SLC9A2: variants seen among roughly 807,000 people sequenced by gnomAD.
SLC9A2 encodes solute carrier family 9 member A2.
Under a neutral mutation model 71.7 loss-of-function variants are expected in SLC9A2, and 42 were observed. The ratio of observed to expected loss-of-function variants is 0.59; its 90% confidence interval spans 0.46 to 0.76. The LOEUF is 0.76. Ranked by LOEUF, SLC9A2 falls within the 30% of genes least tolerant of loss-of-function variation. SLC9A2 has a pLI of 0.00. For missense variants in SLC9A2, 829 were observed against 1,017.4 expected (o/e 0.81, Z 2.52); for synonymous variants, 396 against 392.5 (o/e 1.01, Z -0.10).
chr2:102,657,830 G>A lies in SLC9A2; in HGVS notation c.556G>A (p.Val186Met). The A allele has an allele frequency of 6.2e-7, 1 of 1,614,210 alleles. No individual in the cohort carries two copies. Among genetic ancestry groups the A allele is most frequent in the Non-Finnish European group, 8.5e-7 (1 of 1,180,046 alleles). The change falls in exon 2 of 12, where the codon GTG becomes ATG. Residue 186 changes from valine to methionine, a missense_variant. This residue lies in a region of SLC9A2 where 500 missense variants were observed against 726.3 expected (regional missense o/e 0.69). Coordinates refer to ENST00000233969, the MANE Select transcript of SLC9A2 (RefSeq NM_003048.6). ...GTLWNSIGIG[V>M]SLFGICQIEA... ...ACTTTGGAATTCCATTGGCATTGGG[G>A]TGTCTTTGTTTGGTATCTGCCAGAT...
intron 1 of SLC9A2, among the ~76,000 whole-genome samples, chr2:102,637,396 C>T (rs1676486861): frequency 6.6e-6 from 1 of 152,298 alleles, no homozygotes; most frequent in East Asian, 1.9e-4. Flanking sequence ...TGGCCAGTGC[C>T]ATCGTTATTA....
chr2:102,624,988 A>G (rs951664885), intron 1 of SLC9A2, among the ~76,000 whole-genome samples: 1 of 152,160 alleles, frequency 6.6e-6, no homozygotes, highest in Admixed American at 6.5e-5. Context: ...TTCCTGAGGC[A>G]TATTCATCAA....
chr2:102,620,045 G>C lies in SLC9A2; in HGVS notation c.197G>C (p.Ser66Thr). ...VAPGTTLFEE[S>T]RLPVFTLDYP... is the part of the protein sequence containing the mutation. ...CCCGGAACGACGCTGTTCGAGGAGAGCCGGCTGCCTGTGTTTACGCTGGAT... is the reference window on the plus strand; with the variant it reads ...CCCGGAACGACGCTGTTCGAGGAGACCCGGCTGCCTGTGTTTACGCTGGAT... The change falls in exon 1 of 12, where the codon AGC becomes ACC. Residue 66 changes from serine to threonine, a missense_variant. By Grantham distance (58) the Ser-to-Thr change is moderately conservative. This residue lies in a region of SLC9A2 where 106 missense variants were observed against 93.5 expected (regional missense o/e 1.13). Transcript: ENST00000233969. The C allele has an allele frequency of 6.2e-7, 1 of 1,614,110 alleles. No homozygotes were observed. Among genetic ancestry groups the C allele is most frequent in the East Asian group, 2.2e-5 (1 of 44,842 alleles).
At chr2:102,671,696 G>A (rs1677254533) in intron 3 of SLC9A2, among the ~76,000 whole-genome samples, 2 of 152,288 alleles carry the variant, frequency 1.3e-5, no homozygotes, top group Non-Finnish European at 2.9e-5. Flanking sequence ...TTTGAAGGAG[G>A]AACAAAAATA....
Position 102,619,985 on chromosome 2 carries a change from G to C in SLC9A2, c.137G>C (p.Ser46Thr), listed in dbSNP as rs751331638. The C allele has an allele frequency of 4.3e-6, 7 of 1,613,808 alleles. No individual in the cohort carries two copies. The African/African-American group carries it at 5.3e-5, about 12-fold the overall frequency. The change falls in exon 1 of 12, where the codon AGT (serine) becomes ACT (threonine). Residue 46 changes from serine to threonine, a missense_variant. Physicochemically the swap from Ser to Thr is moderately conservative, Grantham distance 58. Coordinates refer to ENST00000233969, the MANE Select transcript of SLC9A2 (RefSeq NM_003048.6). This position sits in a 1 kb window ranked among gnomAD's most constrained non-coding sequence, Gnocchi z 4.3. Reference sequence around the variant, plus strand: ...AACGCGCCGAGGGCCATGGGCACCAGTTCCAGCCCGCCTAGCCCTGCGAGC... The same window carrying C: ...AACGCGCCGAGGGCCATGGGCACCACTTCCAGCCCGCCTAGCCCTGCGAGC... The part of the protein sequence containing the change: ...LLNAPRAMGT[S>T]SSPPSPASVV...
chr2:102,685,374 A>G (rs1677529469), intron 5 of SLC9A2, among the ~76,000 whole-genome samples: 1 of 152,214 alleles, frequency 6.6e-6, no homozygotes, highest in Admixed American at 6.5e-5. Context: ...CTTCAAGTGA[A>G]ATGGAAGCCA....
At chr2:102,628,463 A>T (rs1300169516) in intron 1 of SLC9A2, among the ~76,000 whole-genome samples, 1 of 152,044 alleles carries the variant, frequency 6.6e-6, no homozygotes, top group African/African-American at 2.4e-5. Context: ...ATTCAATGAA[A>T]CTCTTCTCAA....
intron 1 of SLC9A2, among the ~76,000 whole-genome samples, chr2:102,631,717 T>C (rs1000920108): frequency 3.9e-5 from 6 of 151,958 alleles, no homozygotes; most frequent in African/African-American, 1.5e-4. Context: ...TTCTCTTTAA[T>C]GTAAGGTAAA....
intron 1 of SLC9A2, among the ~76,000 whole-genome samples, chr2:102,633,544 C>A (rs187401264): frequency 6.6e-6 from 1 of 151,944 alleles, no homozygotes; most frequent in African/African-American, 2.4e-5. Context: ...TCTGTGAGGA[C>A]GAATCAAAGT....
chr2:102,686,211 A>T (rs1163366794), intron 5 of SLC9A2, among the ~76,000 whole-genome samples: 1 of 152,200 alleles, frequency 6.6e-6, no homozygotes, highest in Non-Finnish European at 1.5e-5. Flanking sequence ...ATGGTTTATT[A>T]TCCCTATTTT....
intron 3 of SLC9A2, among the ~76,000 whole-genome samples, chr2:102,665,589 A>G (rs1367485000): frequency 1.3e-5 from 2 of 151,968 alleles, no homozygotes; most frequent in Non-Finnish European, 2.9e-5. Flanking sequence ...CCTGGCTAAC[A>G]TGGTGAAACC....
At chr2:102,655,738 A>G (rs116139544) in intron 1 of SLC9A2, among the ~76,000 whole-genome samples, 2,362 of 152,308 alleles carry the variant, frequency 0.016, 60 homozygotes, top group African/African-American at 0.054. Context: ...TCCTGTTGCT[A>G]TATAACAGAA....
chr2:102,680,725 C>CT (rs1677436911), intron 3 of SLC9A2, among the ~76,000 whole-genome samples: 1 of 152,204 alleles, frequency 6.6e-6, no homozygotes, highest in African/African-American at 2.4e-5. Context: ...ATGTTACCTT[C>CT]TATGGCCAAA....
At chr2:102,700,129 C>A (rs772748972) in intron 7 of SLC9A2, among the ~76,000 whole-genome samples, 1 of 152,086 alleles carries the variant, frequency 6.6e-6, no homozygotes, top group Non-Finnish European at 1.5e-5. Context: ...GTGGAGTCAT[C>A]GTTTGCTGAG....
intron 2 of SLC9A2, 61 bp from the exon 3 acceptor site, chr2:102,665,039 C>T (rs1214254995): frequency 6.4e-7 from 1 of 1,552,234 alleles, no homozygotes. Context: ...GTGTTTGTGC[C>T]CAGAGTGACA....
chr2:102,697,289 G>A (rs878539), intron 7 of SLC9A2: 89,257 of 151,722 alleles, frequency 0.59, 26,892 homozygotes, highest in Admixed American at 0.65. Context: ...GGTCACTTGG[G>A]TTTGGCCTGG....
rs116180804 is a variant in SLC9A2, at chr2:102,642,108, A to G, written c.290-15456A>G. Among the ~76,000 whole-genome samples the G allele has an allele frequency of 8.1e-3, 1,232 of 152,242 alleles. 13 individuals carry two copies. Among genetic ancestry groups the G allele is most frequent in the African/African-American group, 0.021 (852 of 41,544 alleles). On this transcript the variant is annotated intron_variant, in intron 1 of 11. Coordinates refer to ENST00000233969, the MANE Select transcript of SLC9A2 (RefSeq NM_003048.6). The stretch of plus-strand genomic sequence containing the variant: ...TTAATGAATGAAAAGATAAGCAGTA[A>G]CATAAGTTATTTATCAATTTCTAGG...
Position 102,619,598 on chromosome 2 carries a change from GGCTGAGGGCT to G in SLC9A2, c.-242_-233del. 2.8e-6 allele frequency: 1 copy of G among 357,620 alleles called. No individual in the cohort carries two copies. The highest frequency in any genetic ancestry group is 5.0e-6 in the Non-Finnish European group (1 of 200,518). 22.2% of individuals were successfully genotyped at this position (357,620 alleles called of 1,614,324 possible). A position where few individuals can be genotyped will look rare whatever the true frequency, so the allele number is the denominator to read the frequency against. On this transcript the variant is annotated 5_prime_UTR_variant, in exon 1 of 12. Transcript: ENST00000233969. This position sits in a 1 kb window ranked among gnomAD's most constrained non-coding sequence, Gnocchi z 4.3. ...GGGCAGGCGGCCGGCGGCGGAGGGC[GGCTGAGGGCT>G]GCTGAGGGTACGCGCAGCGGCCTCT...
At chr2:102,623,831 C>T (rs1284517508) in intron 1 of SLC9A2, among the ~76,000 whole-genome samples, 2 of 152,100 alleles carry the variant, frequency 1.3e-5, no homozygotes, top group Non-Finnish European at 2.9e-5. Context: ...AATTAACAGG[C>T]TGTCCAAAGT....
Sources: gnomAD v4.1 joint callset for allele counts (sites outside exome capture counted in the v4.1 genomes callset) on GRCh38, gnomAD v4.1.1 for gene constraint, gnomAD v4.1.1 regional missense constraint, Gnocchi (gnomAD v3.1) non-coding constraint, MANE v1.5 for transcripts, NCBI Gene and HGNC (gene_info 2026-07-23, HGNC 2026-07-21) for gene names.